CNKSR2: variants seen among roughly 807,000 people sequenced by gnomAD.
The protein encoded by CNKSR2 is CNK homolog protein 2.
A neutral mutation model predicts 84.4 loss-of-function variants in CNKSR2; 14 were observed. The observed-to-expected ratio is 0.17, with a 90% CI of 0.11 to 0.26. The LOEUF (loss-of-function observed/expected upper bound fraction) is 0.26, where lower values mean the gene tolerates loss of function less well. CNKSR2 is among the 10% of genes least tolerant of loss of function. The pLI is 1.00. For missense variants in CNKSR2, 485 were observed against 771.2 expected, an observed-to-expected ratio of 0.63 and a Z score of 4.40; for synonymous variants, 275 against 277.9, an observed-to-expected ratio of 0.99 and a Z score of 0.10.
At chrX:21,649,568 A>G (rs1043737483) in intron 21 of CNKSR2, among the ~76,000 whole-genome samples, 5 of 112,205 alleles carry the variant, frequency 4.5e-5, no homozygotes, top group Non-Finnish European at 7.5e-5. Flanking sequence ...CCCTCCTATT[A>G]TACATTTCTG....
Position 21,511,755 on chromosome X carries a change from CTG to C in CNKSR2, c.811-4724_811-4723del, listed in dbSNP as rs1569214081. Among the ~76,000 whole-genome samples the C allele has an allele frequency of 3.6e-5, 4 of 111,657 alleles. No homozygotes were observed. The South Asian group carries it at 1.1e-3, about 32-fold the overall frequency. ...AAAGCCTCTTATAATCATCTGAACT[CTG>C]TGTGTTTCTCCTGCCTCATTACTCC... On this transcript the variant is annotated intron_variant, in intron 8 of 21. Transcript: ENST00000379510.
intron 1 of CNKSR2, among the ~76,000 whole-genome samples, chrX:21,392,687 A>G (rs1047316735): frequency 9.0e-6 from 1 of 111,333 alleles, no homozygotes; most frequent in African/African-American, 3.3e-5. Context: ...AACCATACCA[A>G]GCAGTTTTGC....
At chrX:21,570,033 C>T (rs1438201308) in intron 13 of CNKSR2, among the ~76,000 whole-genome samples, 1 of 111,797 alleles carries the variant, frequency 8.9e-6, no homozygotes, top group Admixed American at 9.5e-5. Context: ...TCTCAAGGGC[C>T]CTAGGATTTT....
chrX:21,459,184 C>T (rs1277084129), intron 4 of CNKSR2, among the ~76,000 whole-genome samples: 1 of 109,589 alleles, frequency 9.1e-6, no homozygotes, highest in East Asian at 2.9e-4. Context: ...TACCACCACC[C>T]GGCTACTTTT....
chrX:21,565,274 G>A (rs1279255924), intron 13 of CNKSR2, among the ~76,000 whole-genome samples: 1 of 111,766 alleles, frequency 8.9e-6, no homozygotes, highest in East Asian at 2.8e-4. Context: ...ATGTTATACT[G>A]TGTGCGGAAG....
chrX:21,412,077 G>A (rs770694336), intron 1 of CNKSR2, among the ~76,000 whole-genome samples: 1 of 112,123 alleles, frequency 8.9e-6, no homozygotes, highest in South Asian at 3.7e-4. Context: ...GAAGAATAAA[G>A]AACAGGCAGT....
chrX:21,441,295 G>T (rs1337822379), intron 4 of CNKSR2: 1 of 110,882 alleles, frequency 9.0e-6, no homozygotes, highest in African/African-American at 3.3e-5. Context: ...TTTTTCTACT[G>T]TTATGTGATG....
chrX:21,541,881 G>A (rs1054077471), intron 11 of CNKSR2, among the ~76,000 whole-genome samples: 2 of 111,688 alleles, frequency 1.8e-5, no homozygotes, highest in African/African-American at 6.5e-5. Context: ...CCTTACCAGT[G>A]GTAATGCTAG....
chrX:21,391,915 A>G (rs1203120799), intron 1 of CNKSR2, among the ~76,000 whole-genome samples: 1 of 111,941 alleles, frequency 8.9e-6, no homozygotes, highest in Non-Finnish European at 1.9e-5. Context: ...CACTTCTTGA[A>G]TGCTTTGCTG....
intron 1 of CNKSR2, among the ~76,000 whole-genome samples, chrX:21,401,078 A>G (rs1164276640): frequency 2.7e-5 from 3 of 111,294 alleles, no homozygotes; most frequent in African/African-American, 9.8e-5. Context: ...CCTTTTGGCC[A>G]AGATATATCT....
intron 1 of CNKSR2, among the ~76,000 whole-genome samples, chrX:21,421,336 G>GAAGTTA (rs2090493905): frequency 1.9e-5 from 2 of 104,798 alleles, no homozygotes; most frequent in Non-Finnish European, 3.9e-5. Context: ...TCAGTGATGC[G>GAAGTTA]AAGTTAAAAC....
chrX:21,644,123 T>C (rs2092699844), intron 20 of CNKSR2: 1 of 111,865 alleles, frequency 8.9e-6, no homozygotes, highest in Non-Finnish European at 1.9e-5. Flanking sequence ...ATACTTGATA[T>C]CATTAGCCCG....
intron 6 of CNKSR2, chrX:21,492,287 G>A (rs1283850666): frequency 1.8e-5 from 2 of 111,421 alleles, no homozygotes; most frequent in Non-Finnish European, 3.8e-5. Context: ...TTTGAAAGAG[G>A]TAGATCTGGG....
At chrX:21,422,512 A>G (rs1423386685) in intron 1 of CNKSR2, among the ~76,000 whole-genome samples, 1 of 112,295 alleles carries the variant, frequency 8.9e-6, no homozygotes, top group Non-Finnish European at 1.9e-5. Flanking sequence ...AGACTGTAAC[A>G]TCCTTAAAGT....
chrX:21,637,798 TAGA>T (rs1324303780), intron 20 of CNKSR2, among the ~76,000 whole-genome samples: 2 of 111,750 alleles, frequency 1.8e-5, no homozygotes, highest in Admixed American at 1.9e-4. Flanking sequence ...CACATACATT[TAGA>T]AGAAGGGGAG....
intron 11 of CNKSR2, among the ~76,000 whole-genome samples, chrX:21,549,159 A>G (rs1362107554): frequency 1.8e-5 from 2 of 112,555 alleles, no homozygotes; most frequent in Admixed American, 9.4e-5. Flanking sequence ...ACATGATTGT[A>G]TATTTAGAAA....
chrX:21,504,690 A>T (rs965848493), intron 8 of CNKSR2: 7 of 288,933 alleles, frequency 2.4e-5, no homozygotes, highest in Non-Finnish European at 3.0e-5. Context: ...TTAGATGCCT[A>T]TGTTTCTAGT....
At chrX:21,596,669 T>G (rs190466490) in intron 17 of CNKSR2, among the ~76,000 whole-genome samples, 1 of 110,388 alleles carries the variant, frequency 9.1e-6, no homozygotes, top group Non-Finnish European at 1.9e-5. Flanking sequence ...CATGTTTTTT[T>G]TTTTTCAAAG....
At chrX:21,380,637 G>A (rs967898057) in intron 1 of CNKSR2, among the ~76,000 whole-genome samples, 3 of 109,643 alleles carry the variant, frequency 2.7e-5, no homozygotes, top group African/African-American at 1.0e-4. Context: ...TAGTAGACAC[G>A]GGATTTCACC....
Sources: gnomAD v4.1 joint callset for allele counts (sites outside exome capture counted in the v4.1 genomes callset) on GRCh38, gnomAD v4.1.1 for gene constraint, MANE v1.5 for transcripts, NCBI Gene and HGNC (gene_info 2026-07-23, HGNC 2026-07-21) for gene names.